The following ENTREP2 variants were observed in gnomAD, a reference collection of about 807,000 sequenced individuals.
The protein encoded by ENTREP2 is endosomal transmembrane epsin interactor 2, also known as protein ENTREP2.
the ENTREP2 span, among the ~76,000 whole-genome samples, chr15:29,271,941 G>A: frequency 6.6e-6 from 1 of 152,108 alleles, no homozygotes; most frequent in Non-Finnish European, 1.5e-5. Context: ...ATTGTCAACA[G>A]TTGGGCTGGT....
the ENTREP2 span, among the ~76,000 whole-genome samples, chr15:29,144,685 G>A: frequency 6.6e-6 from 1 of 152,000 alleles, no homozygotes; most frequent in Non-Finnish European, 1.5e-5. Flanking sequence ...AACCATGATC[G>A]CACCTCTGCA....
At chr15:29,269,331 G>C in the ENTREP2 span, 1 of 1,614,196 alleles carries the variant, frequency 6.2e-7, no homozygotes, top group Non-Finnish European at 8.5e-7. Flanking sequence ...GTTTGAAGAG[G>C]TCGGGGAAGA....
chr15:29,374,641 A>G, the ENTREP2 span: 1 of 152,096 alleles, frequency 6.6e-6, no homozygotes, highest in Non-Finnish European at 1.5e-5. Context: ...CCATTTTGAA[A>G]AAAAATTACT....
chr15:29,439,169 G>A, the ENTREP2 span, among the ~76,000 whole-genome samples: 1 of 152,054 alleles, frequency 6.6e-6, no homozygotes, highest in African/African-American at 2.4e-5. Flanking sequence ...TCTGAGCTAT[G>A]GGAGGACATT....
At chr15:29,158,405 CTTTTTTTT>C in the ENTREP2 span, among the ~76,000 whole-genome samples, 1 of 133,174 alleles carries the variant, frequency 7.5e-6, no homozygotes, top group Admixed American at 7.4e-5. Flanking sequence ...TTATCTCTGC[CTTTTTTTT>C]TTTTTTTTTT....
chr15:29,318,146 C>T, the ENTREP2 span, among the ~76,000 whole-genome samples: 3 of 152,166 alleles, frequency 2.0e-5, no homozygotes, highest in Non-Finnish European at 1.5e-5. Context: ...TATTGCACTT[C>T]GTTGCATTGC....
At chr15:29,136,970 C>T in the ENTREP2 span, 5 of 1,324,360 alleles carry the variant, frequency 3.8e-6, no homozygotes, top group Non-Finnish European at 4.9e-6. Context: ...CTGCAACTCC[C>T]ACCACCCGGA....
At chr15:29,296,177 A>G in the ENTREP2 span, among the ~76,000 whole-genome samples, 4 of 152,176 alleles carry the variant, frequency 2.6e-5, no homozygotes, top group Middle Eastern at 3.2e-3. Flanking sequence ...CTCTCTATGT[A>G]TATATACACA....
At chr15:29,582,418 T>C in the ENTREP2 span, among the ~76,000 whole-genome samples, 1 of 151,622 alleles carries the variant, frequency 6.6e-6, no homozygotes. Flanking sequence ...ATAAACACAA[T>C]AAATAAAAAC....
At chr15:29,536,041 G>T in the ENTREP2 span, among the ~76,000 whole-genome samples, 1 of 152,106 alleles carries the variant, frequency 6.6e-6, no homozygotes, top group African/African-American at 2.4e-5. Context: ...CTTTGTTAGA[G>T]GATCCTTTTC....
At chr15:29,558,110 G>A in the ENTREP2 span, among the ~76,000 whole-genome samples, 1 of 152,078 alleles carries the variant, frequency 6.6e-6, no homozygotes, top group Non-Finnish European at 1.5e-5. Context: ...CTGTGCCAGC[G>A]GATACCTGCC....
At chr15:29,242,472 A>G in the ENTREP2 span, among the ~76,000 whole-genome samples, 16 of 152,246 alleles carry the variant, frequency 1.1e-4, no homozygotes, top group Non-Finnish European at 4.4e-5. Context: ...GCCTCAAATT[A>G]AAACATAATG....
At chr15:29,277,086 G>A in the ENTREP2 span, among the ~76,000 whole-genome samples, 1 of 152,194 alleles carries the variant, frequency 6.6e-6, no homozygotes, top group African/African-American at 2.4e-5. Flanking sequence ...GCTCAGGCCT[G>A]TAATCCTAGT....
At chr15:29,192,073 T>C in the ENTREP2 span, among the ~76,000 whole-genome samples, 1 of 152,180 alleles carries the variant, frequency 6.6e-6, no homozygotes, top group Non-Finnish European at 1.5e-5. Flanking sequence ...TCAAACCACA[T>C]TTAAACATTC....
chr15:29,565,197 T>A, the ENTREP2 span, among the ~76,000 whole-genome samples: 1 of 152,228 alleles, frequency 6.6e-6, no homozygotes, highest in Non-Finnish European at 1.5e-5. Flanking sequence ...ATCTTTCTGC[T>A]TCTATGAAAT....
chr15:29,391,635 GGGCCTGCCCT>G, the ENTREP2 span, among the ~76,000 whole-genome samples: 10,510 of 152,178 alleles, frequency 0.069, 505 homozygotes, highest in African/African-American at 0.12. Context: ...CATTTGTCCA[GGGCCTGCCCT>G]GTAAGATGCT....
the ENTREP2 span, among the ~76,000 whole-genome samples, chr15:29,187,530 C>T: frequency 2.0e-5 from 3 of 152,136 alleles, no homozygotes; most frequent in Non-Finnish European, 4.4e-5. Flanking sequence ...CCCGCTTCAG[C>T]CTCCCAAAGT....
At chr15:29,367,351 A>G in the ENTREP2 span, among the ~76,000 whole-genome samples, 1 of 152,214 alleles carries the variant, frequency 6.6e-6, no homozygotes, top group African/African-American at 2.4e-5. Flanking sequence ...GATTCCCTAG[A>G]AGACCATACT....
the ENTREP2 span, among the ~76,000 whole-genome samples, chr15:29,291,569 G>A: frequency 6.6e-6 from 1 of 152,160 alleles, no homozygotes; most frequent in Admixed American, 6.5e-5. Context: ...GTTTCTTCCT[G>A]CCCCACCCTG....
Sources: gnomAD v4.1 joint callset for allele counts (sites outside exome capture counted in the v4.1 genomes callset) on GRCh38, gnomAD v4.1.1 for gene constraint, MANE v1.5 for transcripts, NCBI Gene and HGNC (gene_info 2026-07-23, HGNC 2026-07-21) for gene names.